The following IL17RD variants were observed in gnomAD, a reference collection of about 807,000 sequenced individuals.
IL17RD encodes interleukin 17 receptor D, also known as interleukin-17 receptor D.
IL17RD carries 52 observed loss-of-function variants against 80.5 expected under a neutral mutation model. That is an observed-to-expected ratio of 0.65 (90% confidence interval 0.52 to 0.81). The LOEUF (loss-of-function observed/expected upper bound fraction) is 0.81. Ranked by LOEUF, IL17RD falls within the 40% of genes least tolerant of loss-of-function variation. The pLI, the probability that IL17RD is intolerant of heterozygous loss-of-function variation, is 0.00. For synonymous variants in IL17RD, 416 were observed against 391.8 expected (o/e 1.06, Z -0.73); for missense variants, 1,024 against 955.1 (o/e 1.07, Z -0.95).
intron 3 of IL17RD, among the ~76,000 whole-genome samples, chr3:57,112,578 A>G (rs1360377506): frequency 6.6e-6 from 1 of 152,236 alleles, no homozygotes; most frequent in Non-Finnish European, 1.5e-5. Context: ...GGGGCCTGCA[A>G]TTCGTCAGGC....
chr3:57,167,482 G>A (rs530960712), upstream of IL17RD, among the ~76,000 whole-genome samples: 3 of 152,144 alleles, frequency 2.0e-5, no homozygotes, highest in Non-Finnish European at 4.4e-5. Flanking sequence ...GGTGCCAGGG[G>A]CTGAGATGAG....
chr3:57,102,944 T>G (rs1455104195), intron 9 of IL17RD, 147 bp downstream of exon 9: 1 of 623,064 alleles, frequency 1.6e-6, no homozygotes, highest in Non-Finnish European at 2.8e-6. Flanking sequence ...AACATTAGAA[T>G]GGAAGAAAAG....
chr3:57,097,461 A>G, intron 12 of IL17RD, 135 bp downstream of exon 12: 1 of 677,808 alleles, frequency 1.5e-6, no homozygotes, highest in Middle Eastern at 2.4e-4. Flanking sequence ...AATCAAGACT[A>G]CCAAACGAGC....
chr3:57,151,301 G>A (rs749104068), intron 1 of IL17RD, among the ~76,000 whole-genome samples: 2 of 152,122 alleles, frequency 1.3e-5, no homozygotes, highest in African/African-American at 2.4e-5. Flanking sequence ...GAAGTGTTGG[G>A]TTTCATGCTG....
intron 11 of IL17RD, among the ~76,000 whole-genome samples, chr3:57,099,075 C>T (rs1252492430): frequency 6.6e-6 from 1 of 152,230 alleles, no homozygotes; most frequent in East Asian, 1.9e-4. Context: ...AGGTGACTCA[C>T]ATCCAGACAG....
At chr3:57,132,680 T>G (rs1174674594) in intron 1 of IL17RD, among the ~76,000 whole-genome samples, 1 of 152,244 alleles carries the variant, frequency 6.6e-6, no homozygotes, top group African/African-American at 2.4e-5. Context: ...CAACTTACAC[T>G]GTTGAGCACA....
chr3:57,106,225 A>G (rs1446190467), intron 5 of IL17RD, 71 bp from the exon 6 acceptor site: 2 of 1,116,356 alleles, frequency 1.8e-6, no homozygotes, highest in Admixed American at 2.0e-5. Flanking sequence ...CAACAACCCA[A>G]TGAAATATAA....
rs910908874 is a variant in IL17RD, at chr3:57,094,929, G to A, written c.*1464C>T. The A allele has an allele frequency of 4.6e-5, 7 of 152,642 alleles. No homozygotes were observed. The highest frequency in any genetic ancestry group is 2.1e-4 in the South Asian group (1 of 4,832). The allele number at this position is 152,642 out of a possible 1,614,324, so 9.5% of individuals were successfully genotyped here. A position where few individuals can be genotyped will look rare whatever the true frequency, so the allele number is the denominator to read the frequency against. On this transcript the variant is annotated 3_prime_UTR_variant, in exon 13 of 13. Coordinates refer to ENST00000296318, the MANE Select transcript of IL17RD (RefSeq NM_017563.5). ...GCTGCCTTTACAGAGCAGTGAGTAT[G>A]ACATTTGCATCAGAAATATACACAA... is the stretch of plus-strand genomic sequence containing the variant.
intron 1 of IL17RD, among the ~76,000 whole-genome samples, chr3:57,159,310 A>G (rs2060288126): frequency 6.6e-6 from 1 of 152,200 alleles, no homozygotes. Flanking sequence ...ATAGGATGTG[A>G]TCACTTGAGG....
At chr3:57,157,512 T>G (rs534576858) in intron 1 of IL17RD, among the ~76,000 whole-genome samples, 2 of 152,336 alleles carry the variant, frequency 1.3e-5, no homozygotes, top group South Asian at 4.1e-4. Flanking sequence ...CAAATAAGTC[T>G]TTTTGAGCTT....
chr3:57,137,553 G>A (rs1204915704), intron 1 of IL17RD, among the ~76,000 whole-genome samples: 1 of 152,188 alleles, frequency 6.6e-6, no homozygotes, highest in Non-Finnish European at 1.5e-5. Context: ...CAAACCCCAG[G>A]GCCTGGAGAG....
chr3:57,167,527 G>A (rs2060353568), upstream of IL17RD, among the ~76,000 whole-genome samples: 1 of 152,106 alleles, frequency 6.6e-6, no homozygotes, highest in African/African-American at 2.4e-5. Context: ...AAACAGGGAG[G>A]AAACAATGAG....
intron 5 of IL17RD, among the ~76,000 whole-genome samples, chr3:57,108,783 T>C (rs775362597): frequency 1.6e-4 from 24 of 150,232 alleles, no homozygotes; most frequent in Non-Finnish European, 3.1e-4. Context: ...CCCAAAGTGT[T>C]GGGATTACAG....
intron 1 of IL17RD, among the ~76,000 whole-genome samples, chr3:57,144,594 C>T (rs1313203130): frequency 6.6e-6 from 1 of 152,240 alleles, no homozygotes; most frequent in Non-Finnish European, 1.5e-5. Flanking sequence ...CCCAAACTCA[C>T]CCTTGTGGAG....
chr3:57,096,752 G>A (rs1175381601), intron 12 of IL17RD, among the ~76,000 whole-genome samples: 2 of 152,200 alleles, frequency 1.3e-5, no homozygotes, highest in Non-Finnish European at 2.9e-5. Flanking sequence ...GCTCACGCCT[G>A]TAATCCCAGC....
chr3:57,149,406 A>C (rs560963059), intron 1 of IL17RD, among the ~76,000 whole-genome samples: 1 of 151,884 alleles, frequency 6.6e-6, no homozygotes, highest in African/African-American at 2.4e-5. Flanking sequence ...ACTTACCCAT[A>C]TTGGTAAGTC....
intron 1 of IL17RD, 27 bp downstream of exon 1, chr3:57,165,134 G>T: frequency 6.7e-7 from 1 of 1,503,292 alleles, no homozygotes; most frequent in Non-Finnish European, 8.9e-7. Context: ...GTTGGCGACG[G>T]CAAGAAACCC....
At chr3:57,116,286 T>C (rs1559472674) in intron 2 of IL17RD, among the ~76,000 whole-genome samples, 4 of 147,764 alleles carry the variant, frequency 2.7e-5, no homozygotes, top group East Asian at 3.9e-4. Context: ...TCTTTTCTTT[T>C]TTTTTTTTTT....
upstream of IL17RD, chr3:57,169,156 A>T: frequency 2.1e-6 from 1 of 476,338 alleles, no homozygotes; most frequent in Admixed American, 2.2e-5. Flanking sequence ...CCTCCAGGCC[A>T]CAGTGGAGCT....
Sources: allele counts gnomAD v4.1 joint callset (sites outside exome capture counted in the v4.1 genomes callset), GRCh38; gene constraint gnomAD v4.1.1; transcripts MANE v1.5; gene names NCBI Gene and HGNC (gene_info 2026-07-23, HGNC 2026-07-21).